Variants in OSBPL6 observed in about 807,000 individuals in gnomAD.
The protein encoded by OSBPL6 is oxysterol-binding protein-related protein 6.
A neutral mutation model predicts 125.8 loss-of-function variants in OSBPL6; 49 were observed. That is an observed-to-expected ratio of 0.39 (90% CI 0.31 to 0.49). OSBPL6 has a LOEUF of 0.49. OSBPL6 is among the 20% of genes least tolerant of loss of function. The pLI is 0.88. For synonymous variants in OSBPL6, 394 were observed against 391.8 expected (o/e 1.01, Z -0.07); for missense variants, 986 against 1,135.4 (o/e 0.87, Z 1.89).
chr2:178,331,830 T>C (rs1689220736), intron 6 of OSBPL6, among the ~76,000 whole-genome samples: 2 of 152,176 alleles, frequency 1.3e-5, no homozygotes, highest in African/African-American at 4.8e-5. Context: ...AGCTTAAACC[T>C]TAAAAGTGAC....
intron 23 of OSBPL6, among the ~76,000 whole-genome samples, chr2:178,393,889 C>G (rs1695621784): frequency 6.6e-6 from 1 of 152,148 alleles, no homozygotes; most frequent in Non-Finnish European, 1.5e-5. Flanking sequence ...GGAGAATAGC[C>G]AGTTACCATC....
At chr2:178,295,506 A>G (rs2154050751) in intron 2 of OSBPL6, among the ~76,000 whole-genome samples, 1 of 152,320 alleles carries the variant, frequency 6.6e-6, no homozygotes. Flanking sequence ...ATGGTTCACA[A>G]CGCCTGAAAT....
At chr2:178,209,368 G>C (rs2089719393) in intron 1 of OSBPL6, among the ~76,000 whole-genome samples, 1 of 148,586 alleles carries the variant, frequency 6.7e-6, no homozygotes, top group Non-Finnish European at 1.5e-5. Context: ...TATTTTCTGG[G>C]TTTTCAAAGA....
chr2:178,323,519 A>C (rs1376460436), intron 3 of OSBPL6: 1 of 152,044 alleles, frequency 6.6e-6, no homozygotes, highest in Non-Finnish European at 1.5e-5. Flanking sequence ...GCTAGAGTGC[A>C]TTGTGCAATC....
In OSBPL6 at chr2:178,333,010, C is replaced by T. The variant is rs1308656823; in HGVS notation, c.626C>T (p.Pro209Leu). ...FPSTSTAESSPAANVSVMDGK... is the reference protein window; with the variant it reads ...FPSTSTAESSLAANVSVMDGK... ...TCAACGTCCACAGCTGAATCCTCAC[C>T]AGCTGCTAATGTTTCTGTAATGGAT... Residue 209 changes from proline to leucine, a missense_variant, in exon 8 of 25, where the codon CCA (proline) becomes CTA (leucine). Physicochemically the swap from Pro to Leu is moderately conservative, Grantham distance 98 (BLOSUM62 -3). Coordinates refer to ENST00000190611, the MANE Select transcript of OSBPL6 (RefSeq NM_032523.4). 6.2e-7 allele frequency: 1 copy of T among 1,614,118 alleles called. No individual in the cohort carries two copies. Among genetic ancestry groups the T allele is most frequent in the South Asian group, 1.1e-5 (1 of 91,066 alleles).
chr2:178,214,616 T>C (rs1012092094), intron 1 of OSBPL6, among the ~76,000 whole-genome samples: 2 of 152,120 alleles, frequency 1.3e-5, no homozygotes, highest in African/African-American at 4.8e-5. Context: ...TCACTTAAAG[T>C]CAACTGATTA....
intron 1 of OSBPL6, among the ~76,000 whole-genome samples, chr2:178,225,607 G>A (rs1279613338): frequency 2.0e-5 from 3 of 152,158 alleles, no homozygotes; most frequent in Non-Finnish European, 2.9e-5. Context: ...AGACATACCC[G>A]AGACTGGGCA....
intron 23 of OSBPL6, 83 bp downstream of exon 23, chr2:178,392,621 T>G: frequency 1.3e-6 from 2 of 1,516,136 alleles, no homozygotes; most frequent in South Asian, 2.5e-5. Context: ...TTTAGAAGGC[T>G]GAGGAGGGAA....
intron 1 of OSBPL6, among the ~76,000 whole-genome samples, chr2:178,250,267 G>A (rs2091645769): frequency 2.0e-5 from 3 of 152,186 alleles, no homozygotes; most frequent in Non-Finnish European, 4.4e-5. Context: ...AAAATTAGGA[G>A]ATATTTTTGG....
chr2:178,359,764 T>G lies in OSBPL6; in HGVS notation c.1154-1918T>G, dbSNP rs548220860. 3.3e-4 allele frequency among the ~76,000 whole-genome samples: 51 copies of G among 152,334 alleles called. No homozygotes were observed. In the South Asian group the frequency reaches 9.1e-3, roughly 27 times the overall value. ...ATCCTGCCAATTGCCATAGCATGGA[T>G]GGGCCTGAAGGACATTATGCTAAGT... On this transcript the variant is annotated intron_variant, in intron 12 of 24. Coordinates refer to ENST00000190611, the MANE Select transcript of OSBPL6 (RefSeq NM_032523.4).
Position 178,206,649 on chromosome 2 carries a change from C to G in OSBPL6, c.-351+11975C>G, listed in dbSNP as rs1424793846. ...TTTTGTTTTGAGATGGAGTCTCGCT[C>G]TGTTGCCCAGGCTGGAGTTCAGTGG... On this transcript the variant is annotated intron_variant, in intron 1 of 24. Transcript: ENST00000190611. Among the ~76,000 whole-genome samples the G allele has an allele frequency of 3.9e-5, 6 of 152,204 alleles. No individual in the cohort carries two copies. In the East Asian group the frequency reaches 1.2e-3, roughly 29 times the overall value.
chr2:178,359,570 C>T (rs1000323155), intron 12 of OSBPL6, among the ~76,000 whole-genome samples: 27 of 152,160 alleles, frequency 1.8e-4, no homozygotes, highest in South Asian at 2.1e-4. Context: ...CTACAGGAAA[C>T]GAAATCACCC....
intron 1 of OSBPL6, among the ~76,000 whole-genome samples, chr2:178,209,538 C>T (rs1367357555): frequency 1.3e-5 from 2 of 150,564 alleles, no homozygotes; most frequent in African/African-American, 2.4e-5. Context: ...CTGCTCCCTG[C>T]ACAGGGAAAC....
intron 1 of OSBPL6, among the ~76,000 whole-genome samples, chr2:178,205,449 T>G (rs1354300924): frequency 6.6e-6 from 1 of 152,178 alleles, no homozygotes; most frequent in Non-Finnish European, 1.5e-5. Flanking sequence ...TTCTACCTGA[T>G]CTAATAAGTT....
At chr2:178,265,369 G>A (rs917692855) in intron 1 of OSBPL6, among the ~76,000 whole-genome samples, 6 of 151,166 alleles carry the variant, frequency 4.0e-5, no homozygotes, top group Non-Finnish European at 5.9e-5. Flanking sequence ...GTGCTACCAG[G>A]CCTGGCTAAT....
chr2:178,214,779 C>A (rs943696994), intron 1 of OSBPL6, among the ~76,000 whole-genome samples: 2 of 151,846 alleles, frequency 1.3e-5, no homozygotes, highest in Non-Finnish European at 2.9e-5. Context: ...GACCCTGTCT[C>A]TTAAAAAAAA....
chr2:178,318,026 TGC>T (rs1687917322), intron 3 of OSBPL6, among the ~76,000 whole-genome samples: 1 of 152,204 alleles, frequency 6.6e-6, no homozygotes, highest in Non-Finnish European at 1.5e-5. Context: ...GATTTAGTTA[TGC>T]TGTTGAGTGT....
At chr2:178,255,549 C>T (rs2091857832) in intron 1 of OSBPL6, among the ~76,000 whole-genome samples, 1 of 152,186 alleles carries the variant, frequency 6.6e-6, no homozygotes, top group African/African-American at 2.4e-5. Flanking sequence ...TCAGATAGTT[C>T]TCTGGTATCA....
intron 20 of OSBPL6, 23 bp downstream of exon 20, chr2:178,387,162 T>C: frequency 1.9e-6 from 3 of 1,548,934 alleles, no homozygotes; most frequent in South Asian, 1.1e-5. Flanking sequence ...CACCTCCCTT[T>C]TGGCCTCTTG....
Sources: allele counts gnomAD v4.1 joint callset (sites outside exome capture counted in the v4.1 genomes callset), GRCh38; gene constraint gnomAD v4.1.1; transcripts MANE v1.5; gene names NCBI Gene and HGNC (gene_info 2026-07-23, HGNC 2026-07-21).